Variants in KCND2 observed in about 807,000 individuals in gnomAD.
The protein encoded by KCND2 is A-type voltage-gated potassium channel KCND2.
In KCND2, 16 loss-of-function variants were observed where a neutral mutation model predicts 54.4. That is an observed-to-expected ratio of 0.29 (90% CI 0.20 to 0.45). KCND2 has a LOEUF of 0.45. Ranked by LOEUF, KCND2 falls within the 20% of genes least tolerant of loss-of-function variation. The probability of loss-of-function intolerance (pLI) is 1.00; values close to 1 mark genes in which losing one functional copy is unlikely to be tolerated. For synonymous variants in KCND2, 317 were observed against 310.7 expected (o/e 1.02, Z -0.21); for missense variants, 486 against 824.2 (o/e 0.59, Z 5.02).
chr7:120,565,770 T>C (rs1792289112), intron 1 of KCND2, among the ~76,000 whole-genome samples: 1 of 152,216 alleles, frequency 6.6e-6, no homozygotes, highest in African/African-American at 2.4e-5. Context: ...GCAGAGGATA[T>C]ACCTGAGAAG....
chr7:120,341,991 T>G (rs533897269), intron 1 of KCND2, among the ~76,000 whole-genome samples: 20 of 152,288 alleles, frequency 1.3e-4, no homozygotes, highest in African/African-American at 4.3e-4. Context: ...TGATCCCATC[T>G]CATGTGATTT....
intron 1 of KCND2, among the ~76,000 whole-genome samples, chr7:120,279,912 A>G (rs1210609969): frequency 6.6e-6 from 1 of 151,974 alleles, no homozygotes; most frequent in Non-Finnish European, 1.5e-5. Flanking sequence ...TATTCTGATT[A>G]TATAGCTTTG....
rs188122543 is a variant in KCND2 at position 120,745,276 on chromosome 7, G to T, written c.1468-504G>T. Among the ~76,000 whole-genome samples the T allele has an allele frequency of 1.1e-3, 171 of 152,186 alleles. 2 individuals carry two copies. The highest frequency in any genetic ancestry group is 4.1e-3 in the East Asian group (21 of 5,170). On this transcript the variant is annotated intron_variant, in intron 4 of 5. Coordinates refer to ENST00000331113, the MANE Select transcript of KCND2 (RefSeq NM_012281.3). The stretch of plus-strand genomic sequence containing the variant: ...TAAAGAAATGGATAGTGTCTTAGGG[G>T]TCTCATTTTCTAATTTAGAAATGTT...
intron 1 of KCND2, among the ~76,000 whole-genome samples, chr7:120,701,269 A>C (rs1361871086): frequency 7.6e-6 from 1 of 132,028 alleles, no homozygotes; most frequent in East Asian, 2.1e-4. Flanking sequence ...AAAAAAAAAA[A>C]AAAAAAATTA....
At chr7:120,309,468 TATATATAC>T (rs1406056521) in intron 1 of KCND2, among the ~76,000 whole-genome samples, 13 of 123,288 alleles carry the variant, frequency 1.1e-4, no homozygotes, top group South Asian at 5.3e-4. Context: ...TATATATATA[TATATATAC>T]ACACACACAC....
chr7:120,278,517 T>C, intron 1 of KCND2, among the ~76,000 whole-genome samples: 1 of 151,126 alleles, frequency 6.6e-6, no homozygotes, highest in East Asian at 1.9e-4. Flanking sequence ...TTCCATCTCG[T>C]ATGAACGTTA....
chr7:120,724,777 G>GT (rs549128101), intron 1 of KCND2, among the ~76,000 whole-genome samples: 50 of 152,030 alleles, frequency 3.3e-4, no homozygotes, highest in African/African-American at 4.8e-4. Flanking sequence ...TCCCTAGTGG[G>GT]TTTTTTTGTT....
rs1323688164 is a variant in KCND2, at chr7:120,292,836, C to T, written c.1115+17089C>T. 2.0e-5 allele frequency among the ~76,000 whole-genome samples: 3 copies of T among 151,686 alleles called. No homozygotes were observed. The East Asian group carries it at 5.8e-4, about 29-fold the overall frequency. ...CTTAGGCTTTTTTTGCTGGGGTTAT[C>T]TTCCCTAAGTCATTCAAACTTTTGT... On this transcript the variant is annotated intron_variant, in intron 1 of 5. Coordinates refer to ENST00000331113, the MANE Select transcript of KCND2 (RefSeq NM_012281.3).
chr7:120,386,651 T>G (rs1800992614), intron 1 of KCND2, among the ~76,000 whole-genome samples: 1 of 152,164 alleles, frequency 6.6e-6, no homozygotes, highest in Non-Finnish European at 1.5e-5. Flanking sequence ...TCTTAGTTTT[T>G]TAACCTAATA....
At chr7:120,646,230 AT>A (rs536039852) in intron 1 of KCND2, among the ~76,000 whole-genome samples, 32 of 152,172 alleles carry the variant, frequency 2.1e-4, no homozygotes, top group Admixed American at 6.5e-4. Flanking sequence ...ATGAAGAGAA[AT>A]TTGAAAAACA....
intron 1 of KCND2, among the ~76,000 whole-genome samples, chr7:120,357,369 T>C (rs1285103533): frequency 4.6e-5 from 7 of 152,174 alleles, no homozygotes; most frequent in South Asian, 2.1e-4. Context: ...AATGTGCTTT[T>C]CCTGTTTTAT....
intron 1 of KCND2, among the ~76,000 whole-genome samples, chr7:120,447,824 A>AT (rs143979925): frequency 0.013 from 1,958 of 151,602 alleles, 40 homozygotes; most frequent in African/African-American, 0.041. Flanking sequence ...TTTAAGACTG[A>AT]TTTTTTTTTA....
Position 120,275,114 on chromosome 7 carries a change from C to T in KCND2, c.482C>T (p.Ala161Val). The T allele has an allele frequency of 6.2e-7, 1 of 1,613,800 alleles. No individual in the cohort carries two copies. The highest frequency in any genetic ancestry group is 8.5e-7 in the Non-Finnish European group (1 of 1,179,884). The change falls in exon 1 of 6, where the codon GCC (alanine) becomes GTC (valine). Residue 161 changes from alanine to valine, a missense_variant. Physicochemically the swap from Ala to Val is moderately conservative, Grantham distance 64. Transcript: ENST00000331113. ...DADTDTAGESALPTMTARQRV... is the reference protein window; with the variant it reads ...DADTDTAGESVLPTMTARQRV... ...GATACCGACACCGCTGGGGAGAGCG[C>T]CTTGCCCACCATGACTGCAAGGCAG...
chr7:120,365,739 C>CAGGAAAAGATAAATGAGATTTTCG (rs1323402209), intron 1 of KCND2, among the ~76,000 whole-genome samples: 3 of 152,010 alleles, frequency 2.0e-5, no homozygotes, highest in African/African-American at 7.2e-5. Context: ...GATGCACCTA[C>CAGGAAAAGATAAATGAGATTTTCG]AGGAAAAGAT....
chr7:120,693,449 T>TA (rs2116606123), intron 1 of KCND2, among the ~76,000 whole-genome samples: 1 of 151,928 alleles, frequency 6.6e-6, no homozygotes, highest in East Asian at 1.9e-4. Flanking sequence ...GTGCCAAACA[T>TA]AGTACTTAGC....
At chr7:120,364,645 T>C (rs772131991) in intron 1 of KCND2, among the ~76,000 whole-genome samples, 2 of 152,024 alleles carry the variant, frequency 1.3e-5, no homozygotes, top group Admixed American at 6.6e-5. Context: ...GTAGAGGTCA[T>C]TGGACAGACA....
chr7:120,401,134 T>G (rs972356567), intron 1 of KCND2, among the ~76,000 whole-genome samples: 1 of 152,052 alleles, frequency 6.6e-6, no homozygotes, highest in Non-Finnish European at 1.5e-5. Flanking sequence ...TTGGACTGCA[T>G]TTGGTGTCAC....
chr7:120,712,483 A>C, intron 1 of KCND2, among the ~76,000 whole-genome samples: 1 of 146,546 alleles, frequency 6.8e-6, no homozygotes, highest in African/African-American at 2.5e-5. Context: ...CTGATCTTGA[A>C]CTCCTGACCT....
At chr7:120,739,897 C>T (rs1792919781) in intron 2 of KCND2, among the ~76,000 whole-genome samples, 1 of 151,892 alleles carries the variant, frequency 6.6e-6, no homozygotes. Flanking sequence ...AGCTCATCAT[C>T]ATATTCAAAG....
Sources: gnomAD v4.1 joint callset for allele counts (sites outside exome capture counted in the v4.1 genomes callset) on GRCh38, gnomAD v4.1.1 for gene constraint, MANE v1.5 for transcripts, NCBI Gene and HGNC (gene_info 2026-07-23, HGNC 2026-07-21) for gene names.